Variants in MRPS35 observed in about 807,000 individuals in gnomAD.
The protein encoded by MRPS35 is small ribosomal subunit protein mS35.
Under a neutral mutation model 32.7 loss-of-function variants are expected in MRPS35, and 29 were observed. That is an observed-to-expected ratio of 0.89 (90% CI 0.66 to 1.21). MRPS35 has a LOEUF of 1.21. Among genes scored for constraint, MRPS35 ranks in the 50% most tolerant of loss-of-function variants. The pLI is 0.00. For missense variants in MRPS35, 373 were observed against 383.8 expected (o/e 0.97, Z 0.23); for synonymous variants, 148 against 139.3 (o/e 1.06, Z -0.44).
chr12:27,741,771 A>T (rs2061965339), intron 7 of MRPS35, among the ~76,000 whole-genome samples: 1 of 152,226 alleles, frequency 6.6e-6, no homozygotes, highest in Non-Finnish European at 1.5e-5. Flanking sequence ...GGGGAAGAGA[A>T]AAAAAACAGT....
chr12:27,744,855 GTC>G (rs2061976682), intron 7 of MRPS35, among the ~76,000 whole-genome samples: 2 of 126,792 alleles, frequency 1.6e-5, no homozygotes, highest in African/African-American at 5.9e-5. Context: ...CTGGGTCTCT[GTC>G]TCTGACTTTG....
chr12:27,741,115 C>T (rs1411737356), intron 7 of MRPS35, among the ~76,000 whole-genome samples: 1 of 151,894 alleles, frequency 6.6e-6, no homozygotes, highest in East Asian at 1.9e-4. Context: ...TTGCAGTGAG[C>T]CAAGATCGCA....
intron 5 of MRPS35, chr12:27,725,681 C>T: frequency 6.3e-6 from 1 of 157,638 alleles, no homozygotes; most frequent in Middle Eastern, 6.0e-4. Flanking sequence ...AAAAATTTGT[C>T]TTATATTTAA....
chr12:27,722,027 CATAAAA>C (rs934621730), intron 4 of MRPS35, among the ~76,000 whole-genome samples: 1 of 152,070 alleles, frequency 6.6e-6, no homozygotes, highest in African/African-American at 2.4e-5. Flanking sequence ...CGCAAAAAAA[CATAAAA>C]ATAAAAAAGT....
chr12:27,723,315 T>G (rs943384576), intron 4 of MRPS35, among the ~76,000 whole-genome samples: 4 of 152,074 alleles, frequency 2.6e-5, no homozygotes, highest in Non-Finnish European at 1.5e-5. Flanking sequence ...TTTATGCTTC[T>G]GTGTTATGAA....
chr12:27,736,369 T>C (rs2061943090), intron 6 of MRPS35, among the ~76,000 whole-genome samples: 1 of 152,190 alleles, frequency 6.6e-6, no homozygotes, highest in African/African-American at 2.4e-5. Context: ...TGGGAGAAAG[T>C]AGATTTGAAA....
rs746922621 is a variant in MRPS35 at position 27,755,305 on chromosome 12, T to C, written c.827T>C (p.Met276Thr). ...LLQMKAAEKN[M>T]EINKEELLGT... ...CAGATGAAAGCTGCTGAGAAAAATA[T>C]GGAAATAAATAAAGAAGAGCTCCTT... The change falls in exon 8 of 8, where the codon ATG becomes ACG. Residue 276 changes from methionine to threonine, a missense_variant. Transcript: ENST00000081029. 2.5e-6 allele frequency: 4 copies of C among 1,612,466 alleles called. No homozygotes were observed. Among genetic ancestry groups the C allele is most frequent in the Admixed American group, 1.7e-5 (1 of 59,796 alleles).
rs186364812 is a variant in MRPS35, at chr12:27,756,229, A to G, written c.*779A>G. 3 of 152,372 alleles carry G rather than the reference A, an allele frequency of 2.0e-5. No individual in the cohort carries two copies. Among genetic ancestry groups the G allele is most frequent in the Admixed American group, 2.0e-4 (3 of 15,298 alleles). 9.4% of individuals were successfully genotyped at this position (152,372 alleles called of 1,614,324 possible). A position where few individuals can be genotyped will look rare whatever the true frequency, so the allele number is the denominator to read the frequency against. ...TTCAGTATTTTTAAGTACACCTGTC[A>G]GCTGTTTCTTACCACTTCGATGGTT... On this transcript the variant is annotated 3_prime_UTR_variant, in exon 8 of 8. Coordinates refer to ENST00000081029, the MANE Select transcript of MRPS35 (RefSeq NM_021821.4).
At chr12:27,720,963 G>C (rs1232240937) in intron 4 of MRPS35, among the ~76,000 whole-genome samples, 2 of 151,974 alleles carry the variant, frequency 1.3e-5, no homozygotes, top group Non-Finnish European at 2.9e-5. Flanking sequence ...TTAGGAGTTG[G>C]TACCTTTGGA....
At chr12:27,730,075 A>G (rs1478523418) in intron 5 of MRPS35, among the ~76,000 whole-genome samples, 1 of 152,274 alleles carries the variant, frequency 6.6e-6, no homozygotes, top group African/African-American at 2.4e-5. Context: ...TGTTGTAAAC[A>G]TCTTAAAATA....
chr12:27,713,456 G>A (rs536136816), intron 1 of MRPS35, among the ~76,000 whole-genome samples: 3 of 152,292 alleles, frequency 2.0e-5, no homozygotes, highest in African/African-American at 7.2e-5. Flanking sequence ...TAATTTTCAG[G>A]CCAAGGCTGA....
intron 6 of MRPS35, among the ~76,000 whole-genome samples, chr12:27,736,823 T>C (rs2061944809): frequency 6.6e-6 from 1 of 152,206 alleles, no homozygotes; most frequent in Non-Finnish European, 1.5e-5. Flanking sequence ...AAGAATCAGC[T>C]CTAGGAAAAC....
At position 27,716,403 on chromosome 12, in the gene MRPS35, A is replaced by C. The variant is rs1244394212; in HGVS notation, c.266A>C (p.Tyr89Ser). 17 of 1,614,170 alleles carry C rather than the reference A, an allele frequency of 1.1e-5. No homozygotes were observed. The highest frequency in any genetic ancestry group is 1.6e-4 in the Middle Eastern group (1 of 6,062). The change falls in exon 3 of 8, where the codon TAT (tyrosine) becomes TCT (serine). Residue 89 changes from tyrosine (Y) to serine (S), a missense_variant. By Grantham distance (144) the Tyr-to-Ser change is moderately radical. Transcript: ENST00000081029. ...SAVPLPVRMG[Y>S]PVKKGVPMAK... ...GTACCTCTTCCTGTTCGAATGGGTT[A>C]TCCAGTAAAAAAGGGCGTGCCCATG... is the stretch of plus-strand genomic sequence containing the variant.
chr12:27,722,081 T>G (rs1238152515), intron 4 of MRPS35, among the ~76,000 whole-genome samples: 1 of 152,208 alleles, frequency 6.6e-6, no homozygotes, highest in African/African-American at 2.4e-5. Context: ...TACAGCACAT[T>G]CGGAAGAGTG....
At chr12:27,731,671 C>T (rs763977069) in intron 5 of MRPS35, among the ~76,000 whole-genome samples, 7 of 152,216 alleles carry the variant, frequency 4.6e-5, no homozygotes, top group East Asian at 1.9e-4. Context: ...ATGGTTCAAG[C>T]GATTCTCCTG....
At chr12:27,743,012 C>T (rs1052519685) in intron 7 of MRPS35, among the ~76,000 whole-genome samples, 1 of 151,946 alleles carries the variant, frequency 6.6e-6, no homozygotes, top group African/African-American at 2.4e-5. Context: ...AGGCAAGTGT[C>T]ACCATGCGGA....
intron 7 of MRPS35, among the ~76,000 whole-genome samples, chr12:27,753,943 A>G (rs1196242208): frequency 1.3e-5 from 2 of 152,246 alleles, no homozygotes; most frequent in African/African-American, 4.8e-5. Context: ...GGGAACAGAA[A>G]GATAATAACA....
chr12:27,735,611 A>G, intron 6 of MRPS35, 55 bp downstream of exon 6: 1 of 1,300,962 alleles, frequency 7.7e-7, no homozygotes. Context: ...ATTGTCCTCC[A>G]ATTCCTTGGC....
intron 5 of MRPS35, among the ~76,000 whole-genome samples, chr12:27,728,515 T>C (rs1337438112): frequency 6.6e-6 from 1 of 152,158 alleles, no homozygotes; most frequent in Non-Finnish European, 1.5e-5. Flanking sequence ...ATTCCAATAC[T>C]ATTACCACAT....
Sources: allele counts gnomAD v4.1 joint callset (sites outside exome capture counted in the v4.1 genomes callset), GRCh38; gene constraint gnomAD v4.1.1; transcripts MANE v1.5; gene names NCBI Gene and HGNC (gene_info 2026-07-23, HGNC 2026-07-21).